TENM4: variants seen among roughly 807,000 people sequenced by gnomAD.
The protein encoded by TENM4 is teneurin-4.
Under a neutral mutation model 243.3 loss-of-function variants are expected in TENM4, and 82 were observed. That is an observed-to-expected ratio of 0.34 (90% CI 0.28 to 0.40). The LOEUF is 0.40. TENM4 is among the 10% of genes least tolerant of loss of function. The probability of loss-of-function intolerance (pLI) is 1.00; values close to 1 mark genes in which losing one functional copy is unlikely to be tolerated. For synonymous variants in TENM4, 1,412 were observed against 1,456.3 expected (o/e 0.97, Z 0.69); for missense variants, 3,138 against 3,673.3 (o/e 0.85, Z 3.77).
intron 6 of TENM4, among the ~76,000 whole-genome samples, chr11:79,039,524 G>A (rs988828623): frequency 6.6e-6 from 1 of 152,170 alleles, no homozygotes; most frequent in Non-Finnish European, 1.5e-5. Context: ...TGAGTGTGTT[G>A]GTCCTGCACA....
intron 6 of TENM4, among the ~76,000 whole-genome samples, chr11:78,997,001 AG>A (rs1858191032): frequency 6.9e-6 from 1 of 145,430 alleles, no homozygotes; most frequent in African/African-American, 2.5e-5. Flanking sequence ...GAAAGCCCCA[AG>A]GGGGGACCTT....
chr11:79,345,480 A>G (rs1857310813), intron 1 of TENM4, among the ~76,000 whole-genome samples: 1 of 152,214 alleles, frequency 6.6e-6, no homozygotes, highest in Admixed American at 6.5e-5. Context: ...CGTTTCACCT[A>G]TGTAATCTCT....
chr11:79,107,318 T>C (rs1861396819), intron 4 of TENM4, among the ~76,000 whole-genome samples: 1 of 152,024 alleles, frequency 6.6e-6, no homozygotes. Flanking sequence ...GTGGCATTAA[T>C]AGGAAAAAAT....
chr11:78,713,616 G>C (rs1172500443), intron 25 of TENM4, among the ~76,000 whole-genome samples: 1 of 152,158 alleles, frequency 6.6e-6, no homozygotes, highest in Non-Finnish European at 1.5e-5. Context: ...GCCTCGAATA[G>C]TCCTTATGTG....
At chr11:79,439,916 G>C (rs532033671) in intron 1 of TENM4, among the ~76,000 whole-genome samples, 6 of 152,166 alleles carry the variant, frequency 3.9e-5, no homozygotes, top group African/African-American at 1.4e-4. Context: ...TCAATACCGC[G>C]GCCGGGCGCC....
chr11:78,739,971 G>A (rs576025883), intron 19 of TENM4, among the ~76,000 whole-genome samples: 53 of 152,314 alleles, frequency 3.5e-4, no homozygotes, highest in Middle Eastern at 3.4e-3. Context: ...GCCACTGGCC[G>A]TGGGTGGAAA....
intron 3 of TENM4, among the ~76,000 whole-genome samples, chr11:79,156,890 C>T (rs1164618269): frequency 2.0e-5 from 3 of 152,162 alleles, no homozygotes; most frequent in African/African-American, 7.2e-5. Flanking sequence ...CAGCAGACAA[C>T]ATAAGCATTT....
At chr11:79,321,781 C>G (rs1856895144) in intron 1 of TENM4, among the ~76,000 whole-genome samples, 1 of 152,070 alleles carries the variant, frequency 6.6e-6, no homozygotes, top group African/African-American at 2.4e-5. Context: ...CAGAGCCATC[C>G]CTATCTTAGC....
intron 19 of TENM4, among the ~76,000 whole-genome samples, chr11:78,750,347 A>C (rs1036909091): frequency 6.6e-6 from 1 of 152,234 alleles, no homozygotes; most frequent in Non-Finnish European, 1.5e-5. Flanking sequence ...AATTGATTTC[A>C]TAAGGTACTA....
At chr11:79,049,288 G>T (rs540962074) in intron 6 of TENM4, among the ~76,000 whole-genome samples, 1 of 152,206 alleles carries the variant, frequency 6.6e-6, no homozygotes, top group Non-Finnish European at 1.5e-5. Context: ...TACTCAGGAC[G>T]CATCATTTCA....
chr11:78,937,494 C>G (rs1856809982), intron 6 of TENM4, among the ~76,000 whole-genome samples: 1 of 152,198 alleles, frequency 6.6e-6, no homozygotes, highest in African/African-American at 2.4e-5. Context: ...GGAATCTCTT[C>G]CACCTTAACA....
At chr11:79,414,757 G>A (rs1047665597) in intron 1 of TENM4, among the ~76,000 whole-genome samples, 5 of 152,238 alleles carry the variant, frequency 3.3e-5, no homozygotes, top group African/African-American at 1.2e-4. Context: ...ATCACAGAGA[G>A]AGGGGCTGAG....
intron 1 of TENM4, among the ~76,000 whole-genome samples, chr11:79,422,441 C>T (rs1858954824): frequency 6.6e-6 from 1 of 151,994 alleles, no homozygotes. Flanking sequence ...GACTAGATAC[C>T]TGTCATCTAT....
rs144521108 is a variant in TENM4, at chr11:79,116,817, T to A, written c.-66+31893A>T. On this transcript the variant is annotated intron_variant, in intron 4 of 33. Transcript: ENST00000278550. ...TGCCTTGGACACATGAGTCATCTGC[T>A]CAGTCTTCCTTATTTGCAAAACAGA... Among the ~76,000 whole-genome samples, 629 of 152,312 alleles carry A rather than the reference T, an allele frequency of 4.1e-3. 4 individuals carry two copies. The highest frequency in any genetic ancestry group is 0.013 in the African/African-American group (553 of 41,572).
intron 1 of TENM4, among the ~76,000 whole-genome samples, chr11:79,304,407 A>G (rs918002414): frequency 6.6e-6 from 1 of 152,144 alleles, no homozygotes; most frequent in African/African-American, 2.4e-5. Flanking sequence ...TTGCATTGCC[A>G]CTGGATGTCT....
intron 6 of TENM4, among the ~76,000 whole-genome samples, chr11:78,996,024 T>C (rs1343710616): frequency 6.6e-6 from 1 of 152,112 alleles, no homozygotes; most frequent in Non-Finnish European, 1.5e-5. Context: ...CTCAGCTGAT[T>C]TACGTGGAGA....
chr11:78,988,714 A>C (rs1205322720), intron 6 of TENM4, among the ~76,000 whole-genome samples: 1 of 152,188 alleles, frequency 6.6e-6, no homozygotes, highest in African/African-American at 2.4e-5. Flanking sequence ...CTGTCCTGTC[A>C]CCTAGGCTAG....
intron 1 of TENM4, among the ~76,000 whole-genome samples, chr11:79,428,307 G>A (rs1161971121): frequency 6.6e-6 from 1 of 152,226 alleles, no homozygotes; most frequent in African/African-American, 2.4e-5. Context: ...TCAGACCGCT[G>A]AGTAGAAGTA....
At chr11:78,968,286 C>T (rs1430260176) in intron 6 of TENM4, among the ~76,000 whole-genome samples, 3 of 152,208 alleles carry the variant, frequency 2.0e-5, no homozygotes, top group African/African-American at 4.8e-5. Flanking sequence ...GCCAAATAAA[C>T]CTATTTTCTT....
Sources: allele counts gnomAD v4.1 joint callset (sites outside exome capture counted in the v4.1 genomes callset), GRCh38; gene constraint gnomAD v4.1.1; transcripts MANE v1.5; gene names NCBI Gene and HGNC (gene_info 2026-07-23, HGNC 2026-07-21).